Variants in TNRC6C observed in about 807,000 individuals in gnomAD.
The protein encoded by TNRC6C is trinucleotide repeat-containing gene 6C protein.
Under a neutral mutation model 153.7 loss-of-function variants are expected in TNRC6C, and 20 were observed. The observed-to-expected ratio is 0.13, with a 90% confidence interval of 0.09 to 0.19. The LOEUF is 0.19. Ranked by LOEUF, TNRC6C falls within the 10% of genes least tolerant of loss-of-function variation. TNRC6C has a pLI of 1.00. For synonymous variants in TNRC6C, 811 were observed against 841.4 expected (o/e 0.96, Z 0.63); for missense variants, 1,987 against 2,172.0 (o/e 0.91, Z 1.69).
chr17:77,964,270 T>C (rs902721424), intron 1 of TNRC6C, among the ~76,000 whole-genome samples: 1 of 152,228 alleles, frequency 6.6e-6, no homozygotes, highest in Non-Finnish European at 1.5e-5. Flanking sequence ...AAATTAATAC[T>C]CTATTGTATC....
At chr17:78,015,860 C>T (rs1381586981) in intron 1 of TNRC6C, among the ~76,000 whole-genome samples, 4 of 152,032 alleles carry the variant, frequency 2.6e-5, no homozygotes, top group East Asian at 1.9e-4. Context: ...TGCAGTAAGC[C>T]GAGATCATGC....
At position 77,967,214 on chromosome 17, in the gene TNRC6C, T is replaced by C. The variant is rs561787705; in HGVS notation, c.-38+7946T>C. ...ACTTTAGACTTTAAATTTCAGCACATTTCCTTGCAGATTAATGCTTTGCAA... is the reference window on the plus strand; with the variant it reads ...ACTTTAGACTTTAAATTTCAGCACACTTCCTTGCAGATTAATGCTTTGCAA... On this transcript the variant is annotated intron_variant, in intron 1 of 22. Transcript: ENST00000636222. Among the ~76,000 whole-genome samples, 320 of 152,214 alleles carry C rather than the reference T, an allele frequency of 2.1e-3. 1 individual carries two copies. The highest frequency in any genetic ancestry group is 3.9e-3 in the Non-Finnish European group (268 of 68,046).
chr17:77,990,236 G>T (rs1020963535), intron 1 of TNRC6C, among the ~76,000 whole-genome samples: 13 of 152,162 alleles, frequency 8.5e-5, no homozygotes, highest in South Asian at 2.1e-4. Context: ...TATATTGACT[G>T]CAGTAGCCTA....
At chr17:78,097,561 A>G (rs1359183527) in intron 16 of TNRC6C, among the ~76,000 whole-genome samples, 184 bp from the exon 19 acceptor site, 1 of 151,958 alleles carries the variant, frequency 6.6e-6, no homozygotes, top group Non-Finnish European at 1.5e-5. Context: ...GAGTGGGTAC[A>G]GGGACCCAGA....
rs1185597475 is a variant in TNRC6C at position 78,049,371 on chromosome 17, T to G, written c.309T>G (p.Asn103Lys). ...GCATTAATCTTAACCTTAATCCTAA[T>G]GCCAACCCAGCTGCCTGGCCTGTAC... Residue 103 changes from asparagine (N) to lysine (K), a missense_variant, in exon 3 of 20, where the codon AAT (asparagine) becomes AAG (lysine). Physicochemically the swap from Asn to Lys is moderately conservative, Grantham distance 94. Transcript: ENST00000301624. This position sits in a 1 kb window ranked among gnomAD's most constrained non-coding sequence, Gnocchi z 4.1. The G allele has an allele frequency of 6.2e-7, 1 of 1,614,004 alleles. No individual in the cohort carries two copies. Among genetic ancestry groups the G allele is most frequent in the South Asian group, 1.1e-5 (1 of 91,080 alleles).
chr17:78,087,055 A>G, exon 13 of TNRC6C: 1 of 1,613,688 alleles, frequency 6.2e-7, no homozygotes, highest in East Asian at 2.2e-5. Context: ...ACCAAAGAGC[A>G]GCAGTCTTCA....
At position 77,969,469 on chromosome 17, in the gene TNRC6C, C is replaced by T. The variant is rs560396341; in HGVS notation, c.-38+10201C>T. On this transcript the variant is annotated intron_variant, in intron 1 of 22. Transcript: ENST00000636222. ...TTCACCATGTTGGCCAGGGTGGTCTCGAATTCCTGATCTCAGGTGATCCAC... is the reference window on the plus strand; with the variant it reads ...TTCACCATGTTGGCCAGGGTGGTCTTGAATTCCTGATCTCAGGTGATCCAC... Among the ~76,000 whole-genome samples the T allele has an allele frequency of 1.2e-3, 189 of 152,018 alleles. 1 individual carries two copies. Among genetic ancestry groups the T allele is most frequent in the African/African-American group, 4.4e-3 (183 of 41,460 alleles).
chr17:78,047,263 T>C lies in TNRC6C; in HGVS notation c.-218-1582T>C, dbSNP rs142874146. ...TTTAGTTAGTTATTATATTAGATAG[T>C]TTTTAGAGTATGTGCAAAACCAAAT... On this transcript the variant is annotated intron_variant, in intron 2 of 19. Coordinates refer to ENST00000301624, the Ensembl canonical transcript of TNRC6C. 1.5e-3 allele frequency among the ~76,000 whole-genome samples: 222 copies of C among 152,342 alleles called. 2 individuals are homozygous for C. The East Asian group carries it at 0.033, about 23-fold the overall frequency.
chr17:78,053,477 A>G (rs2144037954), intron 3 of TNRC6C, among the ~76,000 whole-genome samples: 1 of 152,162 alleles, frequency 6.6e-6, no homozygotes, highest in South Asian at 2.1e-4. Context: ...TAAAAATACA[A>G]AATTAGCCGG....
chr17:78,046,159 C>T (rs1177561806), intron 2 of TNRC6C, among the ~76,000 whole-genome samples: 1 of 151,384 alleles, frequency 6.6e-6, no homozygotes. Context: ...GGGTTGTTGG[C>T]CTCTTTCTTA....
chr17:77,957,985 G>A (rs1320506887), upstream of TNRC6C, among the ~76,000 whole-genome samples: 9 of 152,214 alleles, frequency 5.9e-5, no homozygotes, highest in Non-Finnish European at 1.0e-4. Context: ...TCGCAGCGAG[G>A]CTTGTTTTGC....
At chr17:78,065,646 C>G (rs1168564362) in intron 4 of TNRC6C, among the ~76,000 whole-genome samples, 1 of 152,182 alleles carries the variant, frequency 6.6e-6, no homozygotes, top group Non-Finnish European at 1.5e-5. Context: ...TACCTCACAG[C>G]AGCCTAACGC....
chr17:77,996,592 G>A (rs2071332118), intron 1 of TNRC6C, among the ~76,000 whole-genome samples: 2 of 152,186 alleles, frequency 1.3e-5, no homozygotes, highest in Non-Finnish European at 2.9e-5. Flanking sequence ...ATACCAGGCT[G>A]CAAAAACAAC....
At chr17:77,998,489 C>T (rs1163759540) in intron 1 of TNRC6C, among the ~76,000 whole-genome samples, 1 of 152,150 alleles carries the variant, frequency 6.6e-6, no homozygotes, top group African/African-American at 2.4e-5. Flanking sequence ...TTAGTATTAT[C>T]CTTCAGGTCC....
In TNRC6C at chr17:78,075,386, C is replaced by T. The variant is rs946948859; in HGVS notation, c.3060+108C>T. The T allele has an allele frequency of 3.1e-6, 4 of 1,297,320 alleles. No individual in the cohort carries two copies. In the Admixed American group the frequency reaches 1.1e-4, roughly 36 times the overall value. The allele number at this position is 1,297,320 out of a possible 1,614,324, so 80.4% of individuals were successfully genotyped here. On this transcript the variant is annotated intron_variant, in intron 8 of 19. Transcript: ENST00000301624. The surrounding 1 kb of genome is among the most constrained non-coding windows in gnomAD (Gnocchi z 4.2). ...ATTAAAAACTTGCTGGACTATAATACTTAAGTGACTTTTATCCATTTTTTT... is the reference window on the plus strand; with the variant it reads ...ATTAAAAACTTGCTGGACTATAATATTTAAGTGACTTTTATCCATTTTTTT...
chr17:78,087,013 A>G, exon 13 of TNRC6C: 1 of 1,613,122 alleles, frequency 6.2e-7, no homozygotes, highest in Non-Finnish European at 8.5e-7. Flanking sequence ...TTCCCCTCGC[A>G]CCCACAGACT....
chr17:78,005,127 T>C lies in TNRC6C; in HGVS notation c.-546+48T>C, dbSNP rs1598671690. 2.5e-6 allele frequency: 3 copies of C among 1,201,752 alleles called. No homozygotes were observed. The East Asian group carries it at 9.5e-5, about 38-fold the overall frequency. The allele number at this position is 1,201,752 out of a possible 1,614,324, so 74.4% of individuals were successfully genotyped here. ...GGGTACATTTATGGCGGTACCAAAATTTTTATGACCAGGATGACTTTTTTT... is the reference window on the plus strand; with the variant it reads ...GGGTACATTTATGGCGGTACCAAAACTTTTATGACCAGGATGACTTTTTTT... On this transcript the variant is annotated intron_variant, in intron 1 of 19. Transcript: ENST00000301624.
At chr17:78,012,881 A>C (rs1334698092) in intron 1 of TNRC6C, among the ~76,000 whole-genome samples, 1 of 152,178 alleles carries the variant, frequency 6.6e-6, no homozygotes, top group African/African-American at 2.4e-5. Flanking sequence ...CTTTTCATCA[A>C]ATATTTGCAT....
intron 6 of TNRC6C, among the ~76,000 whole-genome samples, chr17:78,071,608 G>A (rs531251236): frequency 2.0e-5 from 3 of 152,030 alleles, no homozygotes; most frequent in Non-Finnish European, 4.4e-5. Flanking sequence ...GGCTGGTCTC[G>A]AACACCTGGG....
Sources: allele counts gnomAD v4.1 joint callset (sites outside exome capture counted in the v4.1 genomes callset), GRCh38; gene constraint gnomAD v4.1.1; non-coding constraint Gnocchi (gnomAD v3.1); transcripts MANE v1.5; gene names NCBI Gene and HGNC (gene_info 2026-07-23, HGNC 2026-07-21).